The following PHF24 variants were observed in gnomAD, a reference collection of about 807,000 sequenced individuals.
PHF24 encodes the protein Galpha inhibitory interacting protein.
Under a neutral mutation model 42.6 loss-of-function variants are expected in PHF24, and 25 were observed. The observed-to-expected ratio is 0.59, with a 90% CI of 0.43 to 0.82. The LOEUF (loss-of-function observed/expected upper bound fraction) is 0.82. Among genes scored for constraint, PHF24 ranks in the 40% least tolerant of loss-of-function variants. PHF24 has a pLI of 0.00. For missense variants in PHF24, 470 were observed against 538.1 expected, an observed-to-expected ratio of 0.87 and a Z score of 1.25; for synonymous variants, 185 against 204.8, an observed-to-expected ratio of 0.90 and a Z score of 0.83.
chr9:34,769,871 A>G, the PHF24 span, among the ~76,000 whole-genome samples: 1 of 152,162 alleles, frequency 6.6e-6, no homozygotes, highest in African/African-American at 2.4e-5. Flanking sequence ...AAGATAGGCA[A>G]ATTCATAGGT....
the PHF24 span, chr9:34,832,387 G>T: frequency 9.9e-7 from 1 of 1,012,124 alleles, no homozygotes; most frequent in African/African-American, 1.6e-5. Context: ...GCAGAGCCAG[G>T]TTGTCTGGAG....
At chr9:34,895,188 A>G in the PHF24 span, 4 of 397,708 alleles carry the variant, frequency 1.0e-5, no homozygotes, top group South Asian at 5.3e-4. Context: ...TCTGTGTTCC[A>G]ATTTTATATA....
the PHF24 span, among the ~76,000 whole-genome samples, chr9:34,745,413 G>A: frequency 6.6e-6 from 1 of 152,066 alleles, no homozygotes; most frequent in Non-Finnish European, 1.5e-5. Context: ...AGGTACTCTC[G>A]TAGGAGAATG....
chr9:34,680,928 T>C, the PHF24 span: 1 of 152,242 alleles, frequency 6.6e-6, no homozygotes, highest in Non-Finnish European at 1.5e-5. Flanking sequence ...GTATTACTAC[T>C]ACTCAGCAAG....
At chr9:34,759,895 G>T in the PHF24 span, among the ~76,000 whole-genome samples, 4 of 152,184 alleles carry the variant, frequency 2.6e-5, no homozygotes, top group Admixed American at 6.5e-5. Flanking sequence ...TTTTTGCAGG[G>T]TAGGCCTTTA....
chr9:34,848,761 C>G, the PHF24 span, among the ~76,000 whole-genome samples: 2 of 151,926 alleles, frequency 1.3e-5, no homozygotes, highest in Non-Finnish European at 2.9e-5. Context: ...TCCCTCTACA[C>G]ACTGCTTTGA....
At chr9:34,694,853 A>G in the PHF24 span, among the ~76,000 whole-genome samples, 2 of 152,228 alleles carry the variant, frequency 1.3e-5, no homozygotes, top group East Asian at 1.9e-4. Flanking sequence ...TTAGTTCCTT[A>G]ATCCTGACCT....
chr9:34,684,134 CTT>C, the PHF24 span, among the ~76,000 whole-genome samples: 2 of 152,186 alleles, frequency 1.3e-5, no homozygotes, highest in Admixed American at 1.3e-4. Flanking sequence ...CTGATCCACA[CTT>C]TTGTTTATTT....
Position 34,977,712 on chromosome 9 carries a change from C to A in PHF24, c.1106+71C>A, listed in dbSNP as rs917116973. The stretch of plus-strand genomic sequence containing the variant: ...CACAAAACACACAAGTAAGAGAGGG[C>A]ATTACCCACTCCCACTCCAAAACAG... On this transcript the variant is annotated intron_variant, in intron 7 of 7. Transcript: ENST00000242315. 40 of 1,286,692 alleles carry A rather than the reference C, an allele frequency of 3.1e-5. 2 individuals are homozygous for A. In the South Asian group the frequency reaches 5.1e-4, roughly 16 times the overall value. The allele number at this position is 1,286,692 out of a possible 1,614,324, so 79.7% of individuals were successfully genotyped here.
intron 1 of PHF24, among the ~76,000 whole-genome samples, chr9:34,960,615 T>C (rs1309401052): frequency 6.6e-6 from 1 of 152,230 alleles, no homozygotes; most frequent in Admixed American, 6.5e-5. Flanking sequence ...CATTGATTTG[T>C]CATTGAGGTT....
intron 3 of PHF24, among the ~76,000 whole-genome samples, chr9:34,973,546 C>A (rs1827081253): frequency 1.3e-5 from 2 of 152,212 alleles, no homozygotes; most frequent in Non-Finnish European, 2.9e-5. Context: ...GATCTGTTGT[C>A]CTGCAGATAT....
chr9:34,676,956 G>C, the PHF24 span, among the ~76,000 whole-genome samples: 1 of 152,164 alleles, frequency 6.6e-6, no homozygotes, highest in Non-Finnish European at 1.5e-5. Flanking sequence ...ATCACCTCCC[G>C]CCAGGCCCTA....
At chr9:34,962,534 A>C (rs1826629721) in intron 1 of PHF24, among the ~76,000 whole-genome samples, 1 of 152,094 alleles carries the variant, frequency 6.6e-6, no homozygotes, top group African/African-American at 2.4e-5. Context: ...GTTATTAAGC[A>C]CCTGATTTGT....
the PHF24 span, among the ~76,000 whole-genome samples, chr9:34,793,634 G>A: frequency 1.3e-5 from 2 of 152,248 alleles, no homozygotes; most frequent in East Asian, 3.9e-4. Flanking sequence ...CCAGCCTGCA[G>A]TCTAGAAGTG....
chr9:34,684,139 G>T, the PHF24 span, among the ~76,000 whole-genome samples: 1 of 152,188 alleles, frequency 6.6e-6, no homozygotes, highest in African/African-American at 2.4e-5. Context: ...CCACACTTTT[G>T]TTTATTTGCC....
At chr9:34,726,936 G>A in the PHF24 span, 1 of 1,551,592 alleles carries the variant, frequency 6.4e-7, no homozygotes, top group East Asian at 2.4e-5. Flanking sequence ...TGGCAGCAGG[G>A]ATCTGCACAC....
chr9:34,897,821 C>T, the PHF24 span, among the ~76,000 whole-genome samples: 1 of 152,176 alleles, frequency 6.6e-6, no homozygotes. Context: ...TTATCCCTCA[C>T]CTCCTCCCAC....
chr9:34,916,178 A>G, the PHF24 span, among the ~76,000 whole-genome samples: 17 of 152,118 alleles, frequency 1.1e-4, no homozygotes, highest in African/African-American at 4.1e-4. Context: ...AACTAATACA[A>G]TCCTCTATCA....
chr9:34,932,232 C>T, the PHF24 span, among the ~76,000 whole-genome samples: 1 of 152,148 alleles, frequency 6.6e-6, no homozygotes, highest in Non-Finnish European at 1.5e-5. Flanking sequence ...TGTTTGCAAC[C>T]CCAAGCCATG....
Sources: allele counts gnomAD v4.1 joint callset (sites outside exome capture counted in the v4.1 genomes callset), GRCh38; gene constraint gnomAD v4.1.1; transcripts MANE v1.5; gene names NCBI Gene and HGNC (gene_info 2026-07-23, HGNC 2026-07-21).